Variants in PHIP observed in about 807,000 individuals in gnomAD.
PHIP encodes the protein PHIP subunit of CUL4-Ring ligase complex.
Under a neutral mutation model 236.8 loss-of-function variants are expected in PHIP, and 54 were observed. That is an observed-to-expected ratio of 0.23 (90% CI 0.18 to 0.29). The LOEUF is 0.29. Ranked by LOEUF, PHIP falls within the 10% of genes least tolerant of loss-of-function variation. The pLI, the probability that PHIP is intolerant of heterozygous loss-of-function variation, is 1.00. For synonymous variants in PHIP, 756 were observed against 718.9 expected (o/e 1.05, Z -0.83); for missense variants, 1,370 against 2,190.8 (o/e 0.63, Z 7.48).
intron 27 of PHIP, among the ~76,000 whole-genome samples, chr6:78,967,036 T>A (rs1767188457): frequency 6.6e-6 from 1 of 152,218 alleles, no homozygotes; most frequent in Non-Finnish European, 1.5e-5. Context: ...TAAGTTAAAA[T>A]GAATTAAGTT....
chr6:78,991,124 T>C (rs1414072388), intron 19 of PHIP, 139 bp from the exon 20 acceptor site: 1 of 605,292 alleles, frequency 1.7e-6, no homozygotes, highest in Non-Finnish European at 2.9e-6. Context: ...GATTTCTAAG[T>C]TTAATTTCAT....
At chr6:79,050,610 A>C (rs747880461) in intron 6 of PHIP, among the ~76,000 whole-genome samples, 6 of 152,174 alleles carry the variant, frequency 3.9e-5, no homozygotes, top group African/African-American at 7.2e-5. Flanking sequence ...TTCTCTATAG[A>C]GCATACGTTC....
chr6:78,962,882 T>C (rs1407857683), intron 30 of PHIP, among the ~76,000 whole-genome samples: 1 of 152,182 alleles, frequency 6.6e-6, no homozygotes, highest in Non-Finnish European at 1.5e-5. Context: ...AGGAGGCCCT[T>C]ATTCTAAAAT....
At position 79,005,773 on chromosome 6, in the gene PHIP, G is replaced by GTATC. The variant is rs761638163; in HGVS notation, c.1525-1919_1525-1916dup. 1.0e-3 allele frequency among the ~76,000 whole-genome samples: 153 copies of GTATC among 152,074 alleles called. No individual in the cohort carries two copies. The Middle Eastern group carries it at 0.017, about 17-fold the overall frequency. On this transcript the variant is annotated intron_variant, in intron 15 of 39. Coordinates refer to ENST00000275034, the MANE Select transcript of PHIP (RefSeq NM_017934.7). ...AATCTGATAAATGTTCCTAAGCATG[G>GTATC]TATCCTTCATGTGTTGTTTAAACAA...
Position 78,955,285 on chromosome 6 carries a change from T to G in PHIP, c.3853-3A>C. ...ACATCAGCATCTTTCTCTTCATCCT[T>G]TGAGGCAAGAATTTACCAGATTCAT... On this transcript the variant is annotated splice_polypyrimidine_tract_variant and splice_region_variant and intron_variant, in intron 33 of 39. Coordinates refer to ENST00000275034, the MANE Select transcript of PHIP (RefSeq NM_017934.7). 6.2e-7 allele frequency: 1 copy of G among 1,603,678 alleles called. No homozygotes were observed. Among genetic ancestry groups the G allele is most frequent in the Non-Finnish European group, 8.5e-7 (1 of 1,171,718 alleles).
rs149763991 is a variant in PHIP, at chr6:79,000,771, T to C, written c.1879+1128A>G. ...TACTTCTCGAATACTACTTATTCTT[T>C]GAGTTCATGCTGTGTCCACGTACTG... On this transcript the variant is annotated intron_variant, in intron 17 of 39. Coordinates refer to ENST00000275034, the MANE Select transcript of PHIP (RefSeq NM_017934.7). Among the ~76,000 whole-genome samples, 96 of 152,250 alleles carry C rather than the reference T, an allele frequency of 6.3e-4. 1 individual carries two copies. The South Asian group carries it at 8.1e-3, about 13-fold the overall frequency.
At chr6:78,960,828 T>C (rs1444998587) in intron 31 of PHIP, among the ~76,000 whole-genome samples, 4 of 152,044 alleles carry the variant, frequency 2.6e-5, no homozygotes, top group South Asian at 2.1e-4. Context: ...ATTTAAGTCA[T>C]AAAAAGAACC....
intron 30 of PHIP, among the ~76,000 whole-genome samples, chr6:78,962,183 C>A (rs1362257063): frequency 6.6e-6 from 1 of 152,126 alleles, no homozygotes; most frequent in African/African-American, 2.4e-5. Context: ...TCAAATCTAA[C>A]CTTTGACTTT....
chr6:78,994,105 G>A (rs1478812739), intron 19 of PHIP, among the ~76,000 whole-genome samples: 1 of 152,164 alleles, frequency 6.6e-6, no homozygotes, highest in Non-Finnish European at 1.5e-5. Flanking sequence ...AATGGAAACG[G>A]CAAGAGAACT....
chr6:78,980,864 T>A (rs967151876), intron 23 of PHIP, among the ~76,000 whole-genome samples: 1 of 152,056 alleles, frequency 6.6e-6, no homozygotes, highest in Non-Finnish European at 1.5e-5. Context: ...AGCCTCAATA[T>A]GGACTATTAA....
At chr6:79,050,686 T>C (rs557281450) in intron 6 of PHIP, among the ~76,000 whole-genome samples, 12 of 152,090 alleles carry the variant, frequency 7.9e-5, no homozygotes, top group Admixed American at 1.3e-4. Context: ...AACTCTAAAA[T>C]ATCTAAAGAG....
rs1184813860 is a variant in PHIP, at chr6:78,940,297, C to A, written c.*396G>T. On this transcript the variant is annotated 3_prime_UTR_variant, in exon 40 of 40. Transcript: ENST00000275034. ...GTACCTCACTTGGTCAAAAATAATT[C>A]ATTTTAACATGAAATGCTCTATCAC... 1 of 151,758 alleles carries A rather than the reference C, an allele frequency of 6.6e-6. No homozygotes were observed. The highest frequency in any genetic ancestry group is 2.4e-5 in the African/African-American group (1 of 41,366). The allele number at this position is 151,758 out of a possible 1,614,324, so 9.4% of individuals were successfully genotyped here. A position where few individuals can be genotyped will look rare whatever the true frequency, so the allele number is the denominator to read the frequency against.
intron 7 of PHIP, among the ~76,000 whole-genome samples, chr6:79,036,945 A>AAAC (rs1771969738): frequency 1.3e-5 from 2 of 150,924 alleles, no homozygotes; most frequent in African/African-American, 2.4e-5. Context: ...AAAAAAAAAA[A>AAAC]AGCAAGGCTG....
intron 4 of PHIP, among the ~76,000 whole-genome samples, chr6:79,066,307 A>G (rs1299251139): frequency 1.3e-5 from 2 of 152,194 alleles, no homozygotes; most frequent in Admixed American, 6.5e-5. Flanking sequence ...GCCCTATGGT[A>G]AGTGTGGTAA....
rs976830852 is a variant in PHIP at position 78,976,060 on chromosome 6, T to G, written c.2889+2532A>C. Among the ~76,000 whole-genome samples the G allele has an allele frequency of 6.3e-4, 96 of 152,114 alleles. 1 individual carries two copies. The South Asian group carries it at 8.1e-3, about 13-fold the overall frequency. On this transcript the variant is annotated intron_variant, in intron 24 of 39. Coordinates refer to ENST00000275034, the MANE Select transcript of PHIP (RefSeq NM_017934.7). Reference sequence around the variant, plus strand: ...ATATGGAACCAAAAAAGGGCCCGCATTGCCAAGTCAATCCTAAGCCAAAAG... The same window carrying G: ...ATATGGAACCAAAAAAGGGCCCGCAGTGCCAAGTCAATCCTAAGCCAAAAG...
At chr6:78,973,220 A>T (rs1767747061) in intron 24 of PHIP, among the ~76,000 whole-genome samples, 1 of 152,100 alleles carries the variant, frequency 6.6e-6, no homozygotes, top group Non-Finnish European at 1.5e-5. Flanking sequence ...GGGGGCCAAT[A>T]TTCAACATTC....
intron 6 of PHIP, among the ~76,000 whole-genome samples, chr6:79,049,990 A>T (rs1176467994): frequency 1.3e-5 from 2 of 152,154 alleles, no homozygotes; most frequent in Non-Finnish European, 2.9e-5. Flanking sequence ...AAAAATTGCT[A>T]ATCATAATTT....
intron 24 of PHIP, among the ~76,000 whole-genome samples, chr6:78,972,521 G>A (rs773640787): frequency 5.3e-5 from 8 of 152,232 alleles, no homozygotes; most frequent in African/African-American, 1.7e-4. Flanking sequence ...GAACAAAGCT[G>A]GACGCAGAAT....
intron 22 of PHIP, among the ~76,000 whole-genome samples, chr6:78,983,987 A>T (rs1768708867): frequency 6.6e-6 from 1 of 152,186 alleles, no homozygotes; most frequent in South Asian, 2.1e-4. Flanking sequence ...AATGTCTTAA[A>T]GGAACCTAAG....
Sources: gnomAD v4.1 joint callset for allele counts (sites outside exome capture counted in the v4.1 genomes callset) on GRCh38, gnomAD v4.1.1 for gene constraint, MANE v1.5 for transcripts, NCBI Gene and HGNC (gene_info 2026-07-23, HGNC 2026-07-21) for gene names.